MNAT1: variants seen among roughly 807,000 people sequenced by gnomAD.
MNAT1 encodes the protein MNAT1 component of CDK activating kinase.
A neutral mutation model predicts 42.0 loss-of-function variants in MNAT1; 43 were observed. That is an observed-to-expected ratio of 1.02 (90% CI 0.80 to 1.32). The LOEUF is 1.32. Ranked by LOEUF, MNAT1 falls within the 40% of genes most tolerant of loss-of-function variation. MNAT1 has a pLI of 0.00. For missense variants in MNAT1, 306 were observed against 350.4 expected, an observed-to-expected ratio of 0.87 and a Z score of 1.01; for synonymous variants, 118 against 120.0, an observed-to-expected ratio of 0.98 and a Z score of 0.11.
In MNAT1 at chr14:60,968,614, A is replaced by G; in HGVS notation, c.*265A>G. ...GAAGAGAGGAATAAATAATTCACCT[A>G]TATGTGTTTGAGGTTGTGACAGACT... is the stretch of plus-strand genomic sequence containing the variant. On this transcript the variant is annotated 3_prime_UTR_variant, in exon 8 of 8. Coordinates refer to ENST00000261245, the MANE Select transcript of MNAT1 (RefSeq NM_002431.4). 1.1e-6 allele frequency: 1 copy of G among 948,234 alleles called. No homozygotes were observed. Among genetic ancestry groups the G allele is most frequent in the Non-Finnish European group, 1.5e-6 (1 of 675,944 alleles). 58.7% of individuals were successfully genotyped at this position (948,234 alleles called of 1,614,324 possible).
intron 7 of MNAT1, among the ~76,000 whole-genome samples, chr14:60,934,958 G>C (rs1280365948): frequency 6.6e-6 from 1 of 152,188 alleles, no homozygotes; most frequent in East Asian, 1.9e-4. Flanking sequence ...CTAAATTAAG[G>C]AATTCTAGTG....
rs558150766 is a variant in MNAT1, at chr14:60,829,635, T to C, written c.687+10788T>C. Among the ~76,000 whole-genome samples the C allele has an allele frequency of 2.2e-4, 33 of 152,306 alleles. No homozygotes were observed. The South Asian group carries it at 5.2e-3, about 24-fold the overall frequency. ...AATAATGAGTCTGGATTTTCAGTTA[T>C]ATCAGTTACTTTGTAATGAGGACAA... On this transcript the variant is annotated intron_variant, in intron 6 of 7. Coordinates refer to ENST00000261245, the MANE Select transcript of MNAT1 (RefSeq NM_002431.4).
intron 6 of MNAT1, among the ~76,000 whole-genome samples, chr14:60,840,806 G>A (rs1330255228): frequency 2.6e-5 from 4 of 152,062 alleles, no homozygotes; most frequent in Admixed American, 2.6e-4. Flanking sequence ...TGGGATTACA[G>A]GCATGTGCCA....
At chr14:60,963,016 C>G (rs960144925) in intron 7 of MNAT1, among the ~76,000 whole-genome samples, 2 of 152,024 alleles carry the variant, frequency 1.3e-5, no homozygotes, top group Non-Finnish European at 2.9e-5. Flanking sequence ...GAGTCTCGCT[C>G]TGTCGCCCAG....
intron 7 of MNAT1, among the ~76,000 whole-genome samples, chr14:60,944,712 T>G (rs917981646): frequency 6.6e-6 from 1 of 152,128 alleles, no homozygotes; most frequent in Non-Finnish European, 1.5e-5. Context: ...GCCTAAATTA[T>G]AAAATTTTAT....
At chr14:60,916,393 G>A (rs974285491) in intron 7 of MNAT1, among the ~76,000 whole-genome samples, 3 of 152,190 alleles carry the variant, frequency 2.0e-5, no homozygotes, top group Non-Finnish European at 2.9e-5. Flanking sequence ...TATGGCTCAC[G>A]CCTGCAATCC....
At chr14:60,817,956 C>T (rs979836974) in intron 5 of MNAT1, among the ~76,000 whole-genome samples, 1 of 151,600 alleles carries the variant, frequency 6.6e-6, no homozygotes, top group Non-Finnish European at 1.5e-5. Context: ...CCTGGTACGT[C>T]CTTCTGCATA....
At chr14:60,898,489 A>G (rs183769781) in intron 7 of MNAT1, among the ~76,000 whole-genome samples, 91 of 152,072 alleles carry the variant, frequency 6.0e-4, no homozygotes, top group Non-Finnish European at 7.4e-5. Flanking sequence ...ATTGTGGTTT[A>G]TATTTGCATT....
intron 5 of MNAT1, 34 bp from the exon 6 acceptor site, chr14:60,818,688 T>C: frequency 6.6e-7 from 1 of 1,510,286 alleles, no homozygotes; most frequent in Non-Finnish European, 8.9e-7. Flanking sequence ...TTTCCCTTTT[T>C]ACATTTCTTA....
chr14:60,937,318 TG>T, intron 7 of MNAT1, among the ~76,000 whole-genome samples: 1 of 152,348 alleles, frequency 6.6e-6, no homozygotes, highest in Non-Finnish European at 1.5e-5. Flanking sequence ...ATGTCCTGAA[TG>T]GTATTGCCTA....
intron 7 of MNAT1, among the ~76,000 whole-genome samples, chr14:60,914,829 A>T (rs1230869730): frequency 6.6e-6 from 1 of 152,228 alleles, no homozygotes; most frequent in Non-Finnish European, 1.5e-5. Context: ...TATTGAAGCT[A>T]GAATCAAATG....
intron 7 of MNAT1, among the ~76,000 whole-genome samples, chr14:60,880,570 G>C (rs1473384134): frequency 1.3e-5 from 2 of 152,034 alleles, no homozygotes; most frequent in Non-Finnish European, 2.9e-5. Flanking sequence ...AAAAAAAAGT[G>C]GGTAAATCGA....
chr14:60,814,863 G>A lies in MNAT1; in HGVS notation c.561+2736G>A, dbSNP rs556489157. ...CTTTCTTGAAACTATTAAGTGGCAG[G>A]TATGGCTTTAACAGTGAAATGACAT... On this transcript the variant is annotated intron_variant, in intron 5 of 7. Transcript: ENST00000261245. 1.0e-3 allele frequency among the ~76,000 whole-genome samples: 158 copies of A among 152,236 alleles called. 2 individuals carry two copies. The highest frequency in any genetic ancestry group is 3.5e-3 in the African/African-American group (144 of 41,556).
Position 60,968,634 on chromosome 14 carries a change from C to A in MNAT1, c.*285C>A. On this transcript the variant is annotated 3_prime_UTR_variant, in exon 8 of 8. Transcript: ENST00000261245. ...CACCTATATGTGTTTGAGGTTGTGA[C>A]AGACTTATAAAATCTTTTTAAAAAA... 1.3e-6 allele frequency: 1 copy of A among 744,242 alleles called. No homozygotes were observed. The highest frequency in any genetic ancestry group is 1.9e-6 in the Non-Finnish European group (1 of 514,724). The allele number at this position is 744,242 out of a possible 1,614,324, so 46.1% of individuals were successfully genotyped here. A position where few individuals can be genotyped will look rare whatever the true frequency, so the allele number is the denominator to read the frequency against.
At chr14:60,923,237 G>A (rs1226858930) in intron 7 of MNAT1, among the ~76,000 whole-genome samples, 2 of 152,088 alleles carry the variant, frequency 1.3e-5, no homozygotes, top group Non-Finnish European at 2.9e-5. Context: ...AGATTGCTGG[G>A]CCGCACCTTC....
At chr14:60,963,022 C>T (rs916065117) in intron 7 of MNAT1, among the ~76,000 whole-genome samples, 1 of 152,026 alleles carries the variant, frequency 6.6e-6, no homozygotes, top group Non-Finnish European at 1.5e-5. Context: ...CGCTCTGTCG[C>T]CCAGGCTGGA....
chr14:60,818,691 A>G lies in MNAT1; in HGVS notation c.562-31A>G, dbSNP rs781406719. ...GTTGTTTTTAGTTTTCCCTTTTTAC[A>G]TTTCTTATTGAACTTGAACTATTCT... On this transcript the variant is annotated intron_variant, in intron 5 of 7. Transcript: ENST00000261245. 1.3e-5 allele frequency: 20 copies of G among 1,510,040 alleles called. No homozygotes were observed. In the South Asian group the frequency reaches 2.6e-4, roughly 20 times the overall value. The allele number at this position is 1,510,040 out of a possible 1,614,324, so 93.5% of individuals were successfully genotyped here.
intron 1 of MNAT1, among the ~76,000 whole-genome samples, chr14:60,784,179 A>ATTTTTTTT (rs71114155): frequency 0.031 from 1,656 of 53,260 alleles, 358 homozygotes; most frequent in Middle Eastern, 0.067. Context: ...TGCCTGGCTA[A>ATTTTTTTT]TTTTTTTTTT....
chr14:60,912,857 A>G (rs1051598842), intron 7 of MNAT1, among the ~76,000 whole-genome samples: 1 of 152,032 alleles, frequency 6.6e-6, no homozygotes, highest in Non-Finnish European at 1.5e-5. Context: ...TATTTCCTGA[A>G]TTTGAATGTT....
Sources: gnomAD v4.1 joint callset for allele counts (sites outside exome capture counted in the v4.1 genomes callset) on GRCh38, gnomAD v4.1.1 for gene constraint, MANE v1.5 for transcripts, NCBI Gene and HGNC (gene_info 2026-07-23, HGNC 2026-07-21) for gene names.